SDK2: variants seen among roughly 807,000 people sequenced by gnomAD.
SDK2 encodes sidekick cell adhesion molecule 2, also known as protein sidekick-2.
A neutral mutation model predicts 253.9 loss-of-function variants in SDK2; 105 were observed. The observed-to-expected ratio is 0.41, with a 90% CI of 0.35 to 0.49. SDK2 has a LOEUF of 0.49. Ranked by LOEUF, SDK2 falls within the 20% of genes least tolerant of loss-of-function variation. The pLI is 0.06. For missense variants in SDK2, 2,608 were observed against 3,003.0 expected, an observed-to-expected ratio of 0.87 and a Z score of 3.07; for synonymous variants, 1,249 against 1,234.9, an observed-to-expected ratio of 1.01 and a Z score of -0.24.
At chr17:73,388,538 G>A (rs924340735) in intron 29 of SDK2, among the ~76,000 whole-genome samples, 1 of 152,130 alleles carries the variant, frequency 6.6e-6, no homozygotes, top group Non-Finnish European at 1.5e-5. Flanking sequence ...ATGACTCTGT[G>A]GCGGGGGCAT....
chr17:73,365,508 A>G, intron 37 of SDK2, 113 bp from the exon 38 acceptor site: 1 of 1,118,240 alleles, frequency 8.9e-7, no homozygotes, highest in Non-Finnish European at 1.2e-6. Flanking sequence ...GAGGAACAAG[A>G]GCGTGGGGCT....
chr17:73,398,014 CT>C lies in SDK2; in HGVS notation c.3354+20del. The C allele has an allele frequency of 6.2e-7, 1 of 1,606,800 alleles. No individual in the cohort carries two copies. Among genetic ancestry groups the C allele is most frequent in the Non-Finnish European group, 8.5e-7 (1 of 1,179,678 alleles). On this transcript the variant is annotated intron_variant, in intron 24 of 44. Coordinates refer to ENST00000392650, the MANE Select transcript of SDK2 (RefSeq NM_001144952.2). ...AGAAGCTCATGGAGAGGTCCCACCC[CT>C]GCCCTCGAGGGAGCCTTACCATCCA... is the stretch of plus-strand genomic sequence containing the variant.
chr17:73,542,374 T>C (rs1026906408), intron 1 of SDK2, among the ~76,000 whole-genome samples: 6 of 152,222 alleles, frequency 3.9e-5, no homozygotes, highest in Admixed American at 3.3e-4. Flanking sequence ...CTCCCATCTG[T>C]ACGTGCCTGG....
At position 73,379,624 on chromosome 17, in the gene SDK2, G is replaced by A. The variant is rs890405895; in HGVS notation, c.4763-75C>T. ...CTGGGAAGGTGTCCCCAGGGAGGGT[G>A]GAGGCTGCAGGGGGAGGAATGAGGC... is the stretch of plus-strand genomic sequence containing the variant. On this transcript the variant is annotated intron_variant, in intron 34 of 44. Transcript: ENST00000392650. This position sits in a 1 kb window ranked among gnomAD's most constrained non-coding sequence, Gnocchi z 4.5. 1 of 856,234 alleles carries A rather than the reference G, an allele frequency of 1.2e-6. No homozygotes were observed. The highest frequency in any genetic ancestry group is 1.7e-5 in the African/African-American group (1 of 60,068). 53.0% of individuals were successfully genotyped at this position (856,234 alleles called of 1,614,324 possible). A position where few individuals can be genotyped will look rare whatever the true frequency, so the allele number is the denominator to read the frequency against.
chr17:73,544,071 C>G (rs751305590), intron 1 of SDK2, among the ~76,000 whole-genome samples: 3 of 152,196 alleles, frequency 2.0e-5, no homozygotes, highest in Non-Finnish European at 4.4e-5. Flanking sequence ...GATAGTTTCA[C>G]GTGGCCAAAA....
intron 21 of SDK2, 68 bp from the exon 22 acceptor site, chr17:73,399,357 T>C: frequency 1.3e-6 from 2 of 1,562,614 alleles, no homozygotes; most frequent in African/African-American, 1.3e-5. Flanking sequence ...AACGGGACTG[T>C]TGGGCATGGA....
At position 73,337,455 on chromosome 17, in the gene SDK2, T is replaced by G. The variant is rs2062389570; in HGVS notation, c.*1132A>C. 6.6e-6 allele frequency: 1 copy of G among 151,868 alleles called. No individual in the cohort carries two copies. Among genetic ancestry groups the G allele is most frequent in the Non-Finnish European group, 1.5e-5 (1 of 68,094 alleles). The allele number at this position is 151,868 out of a possible 1,614,324, so 9.4% of individuals were successfully genotyped here. ...CTGGCTAGGAGGGCCCAGATGAGTTTGTTCTGGAGAGGATCCCTAGACCCT... is the reference window on the plus strand; with the variant it reads ...CTGGCTAGGAGGGCCCAGATGAGTTGGTTCTGGAGAGGATCCCTAGACCCT... On this transcript the variant is annotated 3_prime_UTR_variant, in exon 45 of 45. Coordinates refer to ENST00000392650, the MANE Select transcript of SDK2 (RefSeq NM_001144952.2).
At chr17:73,350,438 T>C (rs2062526923) in intron 42 of SDK2, 63 bp from the exon 43 acceptor site, 1 of 1,554,972 alleles carries the variant, frequency 6.4e-7, no homozygotes, top group Admixed American at 2.0e-5. Flanking sequence ...CATACCACTC[T>C]CCACCTGGCT....
chr17:73,405,454 ACAAAC>A (rs2063065036), intron 18 of SDK2, among the ~76,000 whole-genome samples: 1 of 111,026 alleles, frequency 9.0e-6, no homozygotes, highest in African/African-American at 3.3e-5. Context: ...AAAAAAAAAA[ACAAAC>A]AAAAAACCAT....
intron 1 of SDK2, among the ~76,000 whole-genome samples, chr17:73,538,484 G>A (rs762198106): frequency 1.1e-4 from 16 of 152,174 alleles, no homozygotes; most frequent in Non-Finnish European, 1.9e-4. Flanking sequence ...CCAGGACTCC[G>A]GCTTTAAAAT....
Position 73,541,802 on chromosome 17 carries a change from C to T in SDK2, c.65-34205G>A, listed in dbSNP as rs1292576788. ...GCTTGGCACAAACAGAATCCGGCTACGGAAAATTCAAAATGTATTTAGAGC... is the reference window on the plus strand; with the variant it reads ...GCTTGGCACAAACAGAATCCGGCTATGGAAAATTCAAAATGTATTTAGAGC... On this transcript the variant is annotated intron_variant, in intron 1 of 44. Coordinates refer to ENST00000392650, the MANE Select transcript of SDK2 (RefSeq NM_001144952.2). This position sits in a 1 kb window ranked among gnomAD's most constrained non-coding sequence, Gnocchi z 4.3. 2.0e-5 allele frequency among the ~76,000 whole-genome samples: 3 copies of T among 152,138 alleles called. No homozygotes were observed. The highest frequency in any genetic ancestry group is 4.4e-5 in the Non-Finnish European group (3 of 68,024).
intron 18 of SDK2, among the ~76,000 whole-genome samples, chr17:73,413,390 T>C (rs1410260014): frequency 6.6e-6 from 1 of 152,052 alleles, no homozygotes; most frequent in Non-Finnish European, 1.5e-5. Context: ...TTTCATTATA[T>C]ACTACAATGT....
intron 2 of SDK2, among the ~76,000 whole-genome samples, chr17:73,482,976 G>C (rs1430134930): frequency 6.6e-6 from 1 of 152,154 alleles, no homozygotes; most frequent in Non-Finnish European, 1.5e-5. Flanking sequence ...ACAGCCAGGG[G>C]ACCTGGGCTC....
At chr17:73,369,222 C>A in intron 36 of SDK2, 1 of 467,764 alleles carries the variant, frequency 2.1e-6, no homozygotes, top group Non-Finnish European at 4.4e-6. Context: ...ATCCGTCCTA[C>A]GGGAGGCTGA....
chr17:73,556,207 G>C (rs2045140831), intron 1 of SDK2, among the ~76,000 whole-genome samples: 1 of 152,210 alleles, frequency 6.6e-6, no homozygotes, highest in Admixed American at 6.5e-5. Flanking sequence ...CACCAAGATG[G>C]GAAGCGGCAG....
At chr17:73,588,684 C>T (rs1381409076) in intron 1 of SDK2, among the ~76,000 whole-genome samples, 1 of 151,636 alleles carries the variant, frequency 6.6e-6, no homozygotes, top group Non-Finnish European at 1.5e-5. Context: ...CTCAGGACAG[C>T]CTCCTGCGGT....
At chr17:73,460,226 C>T (rs2063554466) in intron 3 of SDK2, among the ~76,000 whole-genome samples, 1 of 152,122 alleles carries the variant, frequency 6.6e-6, no homozygotes, top group African/African-American at 2.4e-5. Context: ...TCAATCTAGC[C>T]GAAGCAGATG....
intron 39 of SDK2, among the ~76,000 whole-genome samples, chr17:73,359,554 G>A (rs1012163942): frequency 2.0e-5 from 3 of 152,188 alleles, no homozygotes; most frequent in African/African-American, 4.8e-5. Flanking sequence ...CTTCTCCGGG[G>A]CCAGGAGCTT....
At chr17:73,364,665 A>G (rs1390420924) in intron 38 of SDK2, among the ~76,000 whole-genome samples, 1 of 152,102 alleles carries the variant, frequency 6.6e-6, no homozygotes, top group Non-Finnish European at 1.5e-5. Flanking sequence ...TCTGTCGCCC[A>G]GGCTGGAGTG....
Sources: allele counts gnomAD v4.1 joint callset (sites outside exome capture counted in the v4.1 genomes callset), GRCh38; gene constraint gnomAD v4.1.1; non-coding constraint Gnocchi (gnomAD v3.1); transcripts MANE v1.5; gene names NCBI Gene and HGNC (gene_info 2026-07-23, HGNC 2026-07-21).